ADAMTS2: variants seen among roughly 807,000 people sequenced by gnomAD.
The protein encoded by ADAMTS2 is A disintegrin and metalloproteinase with thrombospondin motifs 2.
Under a neutral mutation model 123.0 loss-of-function variants are expected in ADAMTS2, and 50 were observed. That is an observed-to-expected ratio of 0.41 (90% CI 0.32 to 0.51). ADAMTS2 has a LOEUF of 0.51. Among genes scored for constraint, ADAMTS2 ranks in the 20% least tolerant of loss-of-function variants. The pLI is 0.35. For synonymous variants in ADAMTS2, 678 were observed against 695.4 expected (o/e 0.98, Z 0.39); for missense variants, 1,494 against 1,705.2 (o/e 0.88, Z 2.18).
chr5:179,247,643 G>T (rs1765832321), intron 3 of ADAMTS2, among the ~76,000 whole-genome samples: 2 of 152,142 alleles, frequency 1.3e-5, no homozygotes, highest in African/African-American at 4.8e-5. Context: ...GGAGCAGCTT[G>T]CCACATATAC....
At chr5:179,295,125 G>A (rs769464115) in intron 2 of ADAMTS2, among the ~76,000 whole-genome samples, 2 of 152,254 alleles carry the variant, frequency 1.3e-5, no homozygotes, top group Non-Finnish European at 2.9e-5. Context: ...CTGGCACCAG[G>A]CCTGGCTGAA....
chr5:179,119,827 CA>C (rs1762722339), intron 21 of ADAMTS2, among the ~76,000 whole-genome samples: 1 of 152,328 alleles, frequency 6.6e-6, no homozygotes, highest in South Asian at 2.1e-4. Flanking sequence ...GGCTCTGCTC[CA>C]AAGATGAGGA....
chr5:179,205,662 G>T (rs1436237858), intron 4 of ADAMTS2, among the ~76,000 whole-genome samples: 1 of 152,196 alleles, frequency 6.6e-6, no homozygotes, highest in East Asian at 1.9e-4. Context: ...CTAGCATGAG[G>T]ACTTCCCAAG....
At chr5:179,119,084 G>C (rs1191264468) in intron 21 of ADAMTS2, among the ~76,000 whole-genome samples, 3 of 152,226 alleles carry the variant, frequency 2.0e-5, no homozygotes, top group Admixed American at 2.0e-4. Context: ...CTTGGCACCT[G>C]GGCTGTAGGC....
intron 2 of ADAMTS2, among the ~76,000 whole-genome samples, chr5:179,280,933 C>T (rs1313749026): frequency 6.6e-6 from 1 of 152,208 alleles, no homozygotes; most frequent in Non-Finnish European, 1.5e-5. Flanking sequence ...CCTCAGCTCA[C>T]TGCAAACTCT....
chr5:179,243,181 C>G (rs566882688), intron 3 of ADAMTS2, among the ~76,000 whole-genome samples: 12 of 151,760 alleles, frequency 7.9e-5, no homozygotes, highest in Admixed American at 3.9e-4. Flanking sequence ...GAGAACAGAT[C>G]GTTATGAGGA....
At chr5:179,326,423 T>TC (rs1476678342) in intron 2 of ADAMTS2, among the ~76,000 whole-genome samples, 1 of 151,760 alleles carries the variant, frequency 6.6e-6, no homozygotes, top group African/African-American at 2.4e-5. Flanking sequence ...TGGCAACACA[T>TC]CCCAGGCCGG....
At chr5:179,178,788 T>C (rs1763985446) in intron 5 of ADAMTS2, among the ~76,000 whole-genome samples, 1 of 152,222 alleles carries the variant, frequency 6.6e-6, no homozygotes, top group Non-Finnish European at 1.5e-5. Flanking sequence ...TTCATTCAAA[T>C]GTACTGAGTT....
chr5:179,310,891 G>A (rs1385598638), intron 2 of ADAMTS2, among the ~76,000 whole-genome samples: 1 of 152,072 alleles, frequency 6.6e-6, no homozygotes, highest in East Asian at 1.9e-4. Context: ...GGTCAGGGAG[G>A]CATGGCCCAG....
intron 2 of ADAMTS2, among the ~76,000 whole-genome samples, chr5:179,325,193 A>G (rs936591231): frequency 2.6e-5 from 4 of 152,176 alleles, no homozygotes; most frequent in African/African-American, 9.7e-5. Flanking sequence ...ATGAACGGGA[A>G]GGTGGACATG....
At chr5:179,171,546 G>A (rs568166931) in intron 5 of ADAMTS2, among the ~76,000 whole-genome samples, 5 of 152,282 alleles carry the variant, frequency 3.3e-5, no homozygotes, top group Non-Finnish European at 4.4e-5. Flanking sequence ...GCACAGCAGC[G>A]GGCAGGCCCG....
chr5:179,137,739 C>T, intron 12 of ADAMTS2, 30 bp downstream of exon 12: 1 of 1,515,476 alleles, frequency 6.6e-7, no homozygotes, highest in Non-Finnish European at 8.9e-7. Context: ...GCCTGCTGAG[C>T]CCCCACTGAT....
chr5:179,208,403 C>T (rs533474163), intron 3 of ADAMTS2, among the ~76,000 whole-genome samples: 2 of 152,278 alleles, frequency 1.3e-5, no homozygotes, highest in South Asian at 2.1e-4. Context: ...TGAACGGTAC[C>T]GCCTCTGGCC....
chr5:179,178,537 C>A (rs1048572576), intron 5 of ADAMTS2, among the ~76,000 whole-genome samples: 1 of 152,242 alleles, frequency 6.6e-6, no homozygotes, highest in African/African-American at 2.4e-5. Context: ...TGCATGCTTT[C>A]CTTTCTGCCA....
At chr5:179,191,379 TC>T (rs1414688016) in intron 4 of ADAMTS2, among the ~76,000 whole-genome samples, 2 of 151,884 alleles carry the variant, frequency 1.3e-5, no homozygotes, top group Non-Finnish European at 2.9e-5. Flanking sequence ...GGCCCTGGCA[TC>T]CCCCCACACG....
intron 3 of ADAMTS2, among the ~76,000 whole-genome samples, chr5:179,238,314 C>T (rs1336262466): frequency 6.6e-6 from 1 of 152,174 alleles, no homozygotes; most frequent in Non-Finnish European, 1.5e-5. Context: ...TGTGTAGGGG[C>T]CAGCTCCCCT....
chr5:179,148,543 G>A (rs1238181433), intron 10 of ADAMTS2, among the ~76,000 whole-genome samples: 9 of 152,104 alleles, frequency 5.9e-5, no homozygotes, highest in Admixed American at 1.3e-4. Flanking sequence ...CTCTCCCCAC[G>A]GTGCTGGCCC....
At chr5:179,336,269 T>A (rs966806202) in intron 2 of ADAMTS2, among the ~76,000 whole-genome samples, 5 of 152,138 alleles carry the variant, frequency 3.3e-5, no homozygotes, top group Admixed American at 6.5e-5. Flanking sequence ...AGTCACGCTG[T>A]GAGGTCAAAA....
At chr5:179,163,316 T>C (rs1488783431) in intron 5 of ADAMTS2, among the ~76,000 whole-genome samples, 1 of 152,084 alleles carries the variant, frequency 6.6e-6, no homozygotes, top group Non-Finnish European at 1.5e-5. Flanking sequence ...CCTATTAGAA[T>C]AGAGTGGGGG....
Sources: allele counts gnomAD v4.1 joint callset (sites outside exome capture counted in the v4.1 genomes callset), GRCh38; gene constraint gnomAD v4.1.1; transcripts MANE v1.5; gene names NCBI Gene and HGNC (gene_info 2026-07-23, HGNC 2026-07-21).